Variants in UIMC1 observed in about 807,000 individuals in gnomAD.
UIMC1 encodes the protein ubiquitin interaction motif containing 1, also known as BRCA1-A complex subunit RAP80.
UIMC1 carries 42 observed loss-of-function variants against 84.9 expected under a neutral mutation model. That is an observed-to-expected ratio of 0.49 (90% CI 0.39 to 0.64). The LOEUF (loss-of-function observed/expected upper bound fraction) is 0.64. Ranked by LOEUF, UIMC1 falls within the 30% of genes least tolerant of loss-of-function variation. The pLI is 0.00. For missense variants in UIMC1, 825 were observed against 847.6 expected (o/e 0.97, Z 0.33); for synonymous variants, 281 against 293.0 (o/e 0.96, Z 0.42).
chr5:176,933,261 T>C (rs576955400), intron 10 of UIMC1, among the ~76,000 whole-genome samples: 1 of 152,322 alleles, frequency 6.6e-6, no homozygotes, highest in East Asian at 1.9e-4. Context: ...AGAGAATTCT[T>C]CTTCGAAGAA....
intron 9 of UIMC1, among the ~76,000 whole-genome samples, chr5:176,946,461 G>A (rs939564148): frequency 3.3e-5 from 5 of 151,924 alleles, no homozygotes; most frequent in African/African-American, 7.3e-5. Context: ...GCAGTGAGCC[G>A]AGATCCCGCC....
At chr5:177,016,779 T>C (rs1176548952) in intron 1 of UIMC1, among the ~76,000 whole-genome samples, 1 of 151,516 alleles carries the variant, frequency 6.6e-6, no homozygotes, top group Non-Finnish European at 1.5e-5. Flanking sequence ...TCCCAGAACT[T>C]TGGGAGGCCG....
At position 176,969,126 on chromosome 5, in the gene UIMC1, TC is replaced by T. The variant is rs758402736; in HGVS notation, c.628del (p.Glu210ArgfsTer3). 6.2e-7 allele frequency: 1 copy of T among 1,614,202 alleles called. No homozygotes were observed. Among genetic ancestry groups the T allele is most frequent in the South Asian group, 1.1e-5 (1 of 91,084 alleles). On this transcript the variant is annotated frameshift_variant, in exon 6 of 15. Transcript: ENST00000511320. LOFTEE classifies it high-confidence loss of function. ...SWDQSSQPVF[E>X]NVNVKSFDRC... ...GTCAAAAGATTTAACGTTCACATTC[TC>T]AAACACTGGCTGGCTTGACTGGTCC...
intron 9 of UIMC1, among the ~76,000 whole-genome samples, chr5:176,950,091 G>A (rs1025640185): frequency 6.8e-6 from 1 of 146,192 alleles, no homozygotes; most frequent in African/African-American, 2.6e-5. Context: ...AATATAAAAA[G>A]GAACCTTTCT....
At chr5:176,950,834 C>A (rs1204168936) in intron 9 of UIMC1, among the ~76,000 whole-genome samples, 1 of 151,946 alleles carries the variant, frequency 6.6e-6, no homozygotes, top group African/African-American at 2.4e-5. Context: ...CGTGCCACTG[C>A]CACTGCAGCC....
At chr5:176,979,247 G>A (rs1010594302) in intron 2 of UIMC1, among the ~76,000 whole-genome samples, 5 of 152,180 alleles carry the variant, frequency 3.3e-5, no homozygotes, top group African/African-American at 1.2e-4. Context: ...TACGTATGCT[G>A]TTCAGGGATA....
chr5:176,911,254 C>G, intron 11 of UIMC1, 57 bp downstream of exon 11: 1 of 1,406,996 alleles, frequency 7.1e-7, no homozygotes, highest in Non-Finnish European at 9.5e-7. Flanking sequence ...TCTTTTTATT[C>G]AGTCCAAACG....
chr5:176,936,658 T>A (rs1266947424), intron 10 of UIMC1, among the ~76,000 whole-genome samples: 2 of 152,186 alleles, frequency 1.3e-5, no homozygotes, highest in African/African-American at 4.8e-5. Flanking sequence ...CTTACTCTAA[T>A]CCAGCCACAT....
chr5:176,948,339 T>C (rs1412197720), intron 9 of UIMC1, among the ~76,000 whole-genome samples: 1 of 152,226 alleles, frequency 6.6e-6, no homozygotes, highest in East Asian at 1.9e-4. Context: ...TAAACAGTAA[T>C]ATATTACAAA....
In UIMC1 at chr5:177,020,588, G is replaced by C. The variant is rs994948233; in HGVS notation, c.-9+1876C>G. ...TGGGACTACAGGCGCCCGCCACCAC[G>C]CCCGGCTAATTTTTTTGTATTTTTA... is the stretch of plus-strand genomic sequence containing the variant. On this transcript the variant is annotated intron_variant, in intron 1 of 5. Transcript: ENST00000509236. Among the ~76,000 whole-genome samples, 9 of 152,128 alleles carry C rather than the reference G, an allele frequency of 5.9e-5. No individual in the cohort carries two copies. In the South Asian group the frequency reaches 1.9e-3, roughly 32 times the overall value.
chr5:176,956,927 T>A (rs140625032), intron 7 of UIMC1, among the ~76,000 whole-genome samples: 65 of 152,330 alleles, frequency 4.3e-4, no homozygotes, highest in African/African-American at 1.4e-3. Context: ...CAGTTTACTC[T>A]GCATGTAACA....
intron 2 of UIMC1, among the ~76,000 whole-genome samples, chr5:176,981,007 C>G (rs1770947206): frequency 6.6e-6 from 1 of 152,148 alleles, no homozygotes; most frequent in South Asian, 2.1e-4. Context: ...TCCCGAAGCA[C>G]TGGGATTATA....
At chr5:176,918,024 A>G (rs1761236241) in intron 10 of UIMC1, among the ~76,000 whole-genome samples, 1 of 152,254 alleles carries the variant, frequency 6.6e-6, no homozygotes, top group Non-Finnish European at 1.5e-5. Context: ...CTCAATAGCC[A>G]TATGTGGCTA....
At chr5:176,944,243 G>A (rs528742483) in intron 9 of UIMC1, among the ~76,000 whole-genome samples, 1 of 152,184 alleles carries the variant, frequency 6.6e-6, no homozygotes, top group East Asian at 1.9e-4. Flanking sequence ...AGGAAACTAA[G>A]ATCTACATAC....
chr5:177,016,787 C>T (rs1775682966), intron 1 of UIMC1, among the ~76,000 whole-genome samples: 1 of 151,996 alleles, frequency 6.6e-6, no homozygotes, highest in African/African-American at 2.4e-5. Flanking sequence ...CTTTGGGAGG[C>T]CGAGGCAGGT....
At chr5:176,936,210 G>T (rs1763703361) in intron 10 of UIMC1, among the ~76,000 whole-genome samples, 1 of 152,164 alleles carries the variant, frequency 6.6e-6, no homozygotes, top group South Asian at 2.1e-4. Flanking sequence ...CCTATTACAT[G>T]CTAGTCACAA....
chr5:176,972,819 G>A (rs192282852), intron 3 of UIMC1, among the ~76,000 whole-genome samples: 106 of 151,768 alleles, frequency 7.0e-4, no homozygotes, highest in African/African-American at 2.4e-3. Flanking sequence ...TAACAATACC[G>A]ACAATAAAAG....
upstream of UIMC1, among the ~76,000 whole-genome samples, chr5:177,007,340 CAAAAA>C (rs56871601): frequency 2.6e-4 from 15 of 58,396 alleles, no homozygotes; most frequent in Non-Finnish European, 3.2e-4. Context: ...GACTCCGTCT[CAAAAA>C]AAAAAAAAAA....
chr5:176,966,399 C>A (rs1768312909), intron 6 of UIMC1, among the ~76,000 whole-genome samples: 1 of 152,210 alleles, frequency 6.6e-6, no homozygotes, highest in Non-Finnish European at 1.5e-5. Context: ...CAGAACTCAA[C>A]TCCAAATCCA....
Sources: allele counts gnomAD v4.1 joint callset (sites outside exome capture counted in the v4.1 genomes callset), GRCh38; gene constraint gnomAD v4.1.1; transcripts MANE v1.5; gene names NCBI Gene and HGNC (gene_info 2026-07-23, HGNC 2026-07-21).